Variants in ADARB1 observed in about 807,000 individuals in gnomAD.
ADARB1 encodes the protein double-stranded RNA-specific editase 1.
A neutral mutation model predicts 52.4 loss-of-function variants in ADARB1; 10 were observed. That is an observed-to-expected ratio of 0.19 (90% CI 0.12 to 0.32). ADARB1 has a LOEUF of 0.32. Ranked by LOEUF, ADARB1 falls within the 10% of genes least tolerant of loss-of-function variation. The pLI is 1.00. For synonymous variants in ADARB1, 349 were observed against 371.1 expected (o/e 0.94, Z 0.68); for missense variants, 643 against 922.3 (o/e 0.70, Z 3.92).
intron 8 of ADARB1, among the ~76,000 whole-genome samples, chr21:45,188,752 G>A (rs1160846159): frequency 6.6e-6 from 1 of 151,790 alleles, no homozygotes; most frequent in Non-Finnish European, 1.5e-5. Flanking sequence ...CTTTTTGCTT[G>A]TTTTTCCCTT....
chr21:45,204,607 A>G lies in ADARB1; in HGVS notation c.1618A>G (p.Ile540Val), dbSNP rs759993645. Residue 540 changes from isoleucine (I) to valine (V), a missense_variant, in exon 9 of 11, where the codon ATT becomes GTT. Physicochemically the swap from Ile to Val is conservative, Grantham distance 29. Around this residue, in one of 2 missense-constraint regions of ADARB1, gnomAD observed 263 missense variants for 475.8 expected, o/e 0.55. Transcript: ENST00000348831. The surrounding 1 kb of genome is among the most constrained non-coding windows in gnomAD (Gnocchi z 4.4). ...GSLLSIFVEP[I>V]YFSSIILGSL... Reference sequence around the variant, plus strand: ...CCTGCTCAGCATTTTCGTGGAGCCCATTTACTTCTCGAGCATCATCCTGGG... The same window carrying G: ...CCTGCTCAGCATTTTCGTGGAGCCCGTTTACTTCTCGAGCATCATCCTGGG... 1.2e-6 allele frequency: 2 copies of G among 1,614,070 alleles called. No individual in the cohort carries two copies. Among genetic ancestry groups the G allele is most frequent in the Admixed American group, 1.7e-5 (1 of 60,016 alleles).
intron 1 of ADARB1, among the ~76,000 whole-genome samples, chr21:45,127,301 A>G (rs2088649479): frequency 1.3e-5 from 2 of 152,048 alleles, no homozygotes. Flanking sequence ...TGTGGGGATG[A>G]TGGGGGTCAT....
chr21:45,081,064 TC>T (rs112504873), intron 1 of ADARB1, among the ~76,000 whole-genome samples: 10,201 of 152,322 alleles, frequency 0.067, 400 homozygotes, highest in East Asian at 0.15. Flanking sequence ...GAAGAAGCCT[TC>T]CCCAGCTTCC....
intron 1 of ADARB1, among the ~76,000 whole-genome samples, chr21:45,122,051 C>T (rs1483375899): frequency 1.3e-5 from 2 of 152,238 alleles, no homozygotes; most frequent in African/African-American, 4.8e-5. Flanking sequence ...TTGACCTGTA[C>T]TTTACTTGCC....
At position 45,208,625 on chromosome 21, in the gene ADARB1, C is replaced by T. The variant is rs73386724; in HGVS notation, c.1747+3889C>T. 0.026 allele frequency among the ~76,000 whole-genome samples: 3,816 copies of T among 149,292 alleles called. 156 individuals are homozygous for T. Among genetic ancestry groups the T allele is most frequent in the African/African-American group, 0.089 (3,624 of 40,852 alleles). On this transcript the variant is annotated intron_variant, in intron 9 of 10. Transcript: ENST00000348831. This position sits in a 1 kb window ranked among gnomAD's most constrained non-coding sequence, Gnocchi z 5.6. ...TGGAAAGTGTGTGTGTGTATGTGTG[C>T]GTGTGTGTGTGTGTGAGTGCATGTG...
intron 2 of ADARB1, among the ~76,000 whole-genome samples, chr21:45,158,383 AC>A (rs1286092566): frequency 3.3e-5 from 5 of 152,214 alleles, no homozygotes; most frequent in Non-Finnish European, 7.3e-5. Flanking sequence ...GTGGAAGCAA[AC>A]GGGACCATCT....
At chr21:45,179,201 G>A (rs770208614) in intron 4 of ADARB1, among the ~76,000 whole-genome samples, 12 of 152,304 alleles carry the variant, frequency 7.9e-5, no homozygotes, top group African/African-American at 2.6e-4. Flanking sequence ...TGCAGATGCC[G>A]CTGCCTGCGG....
intron 2 of ADARB1, among the ~76,000 whole-genome samples, chr21:45,129,148 G>C (rs2088777303): frequency 6.6e-6 from 1 of 151,934 alleles, no homozygotes; most frequent in South Asian, 2.1e-4. Context: ...AGAATCGCTT[G>C]AACCCGGGAG....
At chr21:45,216,690 A>G (rs551069479) in intron 9 of ADARB1, among the ~76,000 whole-genome samples, 1 of 152,218 alleles carries the variant, frequency 6.6e-6, no homozygotes, top group African/African-American at 2.4e-5. Context: ...ACTTTGGGGT[A>G]GAGTGATCTG....
chr21:45,211,982 C>T (rs1293519589), intron 9 of ADARB1, among the ~76,000 whole-genome samples: 1 of 152,082 alleles, frequency 6.6e-6, no homozygotes, highest in Non-Finnish European at 1.5e-5. Context: ...TTCCTTGTTT[C>T]CTCCATTTTT....
chr21:45,110,215 T>G (rs935914822), intron 1 of ADARB1, among the ~76,000 whole-genome samples: 1 of 152,274 alleles, frequency 6.6e-6, no homozygotes, highest in African/African-American at 2.4e-5. Context: ...GAAACCATTT[T>G]CAGTCATGCT....
At chr21:45,162,826 T>C (rs995926113) in intron 2 of ADARB1, among the ~76,000 whole-genome samples, 11 of 152,104 alleles carry the variant, frequency 7.2e-5, no homozygotes, top group African/African-American at 2.4e-4. Context: ...CAGACCCAGG[T>C]TGGAGAGCTC....
At chr21:45,091,062 C>A (rs1052460236) in intron 1 of ADARB1, among the ~76,000 whole-genome samples, 1 of 152,200 alleles carries the variant, frequency 6.6e-6, no homozygotes, top group African/African-American at 2.4e-5. Context: ...TGTGTTTATG[C>A]AGTCATTGAA....
Position 45,221,074 on chromosome 21 carries a change from TCA to T in ADARB1, c.1926+64_1926+65del. The T allele has an allele frequency of 2.6e-6, 4 of 1,515,388 alleles. No homozygotes were observed. In the South Asian group the frequency reaches 4.8e-5, roughly 18 times the overall value. 93.9% of individuals were successfully genotyped at this position (1,515,388 alleles called of 1,614,324 possible). A position where few individuals can be genotyped will look rare whatever the true frequency, so the allele number is the denominator to read the frequency against. On this transcript the variant is annotated intron_variant, in intron 10 of 10. Transcript: ENST00000348831. The surrounding 1 kb of genome is among the most constrained non-coding windows in gnomAD (Gnocchi z 4.9). ...CACCTCCCCAATAGCTTGTCTGTCC[TCA>T]CACCTACTGTTCCTTAAGTTGTTTC...
rs1034449594 is a variant in ADARB1 at position 45,172,580 on chromosome 21, CATTTCTGCATGGTATTG to C, written c.28+922_28+938del. 1.6e-4 allele frequency among the ~76,000 whole-genome samples: 25 copies of C among 152,156 alleles called. No individual in the cohort carries two copies. The highest frequency in any genetic ancestry group is 3.4e-4 in the African/African-American group (14 of 41,438). On this transcript the variant is annotated intron_variant, in intron 3 of 10. Transcript: ENST00000348831. The surrounding 1 kb of genome is among the most constrained non-coding windows in gnomAD (Gnocchi z 4.4). ...GAACCCAAACCATGACCCAGTGAAG[CATTTCTGCATGGTATTG>C]ATTTCTGCATGGTATTGATTTCTGC...
intron 9 of ADARB1, among the ~76,000 whole-genome samples, chr21:45,214,389 A>C (rs1385892074): frequency 6.6e-6 from 1 of 152,242 alleles, no homozygotes; most frequent in Non-Finnish European, 1.5e-5. Context: ...AATTTTGACA[A>C]AATCTAATTT....
chr21:45,132,557 A>T (rs2089018221), intron 2 of ADARB1, among the ~76,000 whole-genome samples: 1 of 152,144 alleles, frequency 6.6e-6, no homozygotes, highest in African/African-American at 2.4e-5. Flanking sequence ...CAGGCCTGCT[A>T]CCTTGTGGGG....
At chr21:45,126,155 C>T (rs1250869071) in intron 1 of ADARB1, among the ~76,000 whole-genome samples, 3 of 152,222 alleles carry the variant, frequency 2.0e-5, no homozygotes, top group Non-Finnish European at 2.9e-5. Flanking sequence ...TTTCTAGGCT[C>T]ATGGTATTAC....
intron 2 of ADARB1, among the ~76,000 whole-genome samples, chr21:45,154,525 C>A (rs1052488238): frequency 3.3e-5 from 5 of 152,136 alleles, no homozygotes; most frequent in Non-Finnish European, 7.4e-5. Context: ...AAGACTGATA[C>A]AATGTACGCC....
Sources: allele counts gnomAD v4.1 joint callset (sites outside exome capture counted in the v4.1 genomes callset), GRCh38; gene constraint gnomAD v4.1.1; regional missense constraint gnomAD v4.1.1; non-coding constraint Gnocchi (gnomAD v3.1); transcripts MANE v1.5; gene names NCBI Gene and HGNC (gene_info 2026-07-23, HGNC 2026-07-21).